The following FN1 variants were observed in gnomAD, a reference collection of about 807,000 sequenced individuals.
FN1 encodes fibronectin.
A neutral mutation model predicts 297.3 loss-of-function variants in FN1; 106 were observed. The ratio of observed to expected loss-of-function variants is 0.36; its 90% confidence interval spans 0.30 to 0.42. The LOEUF (loss-of-function observed/expected upper bound fraction) is 0.42. FN1 is among the 10% of genes least tolerant of loss of function. The pLI is 1.00. For missense variants in FN1, 2,690 were observed against 3,124.9 expected, an observed-to-expected ratio of 0.86 and a Z score of 3.32; for synonymous variants, 1,149 against 1,152.6, an observed-to-expected ratio of 1.00 and a Z score of 0.06.
intron 23 of FN1, among the ~76,000 whole-genome samples, chr2:215,396,306 C>T (rs950442754): frequency 6.6e-6 from 1 of 152,076 alleles, no homozygotes; most frequent in African/African-American, 2.4e-5. Flanking sequence ...GTTGAGACTT[C>T]CATGTGGTTT....
chr2:215,390,425 T>C (rs989175149), intron 26 of FN1, among the ~76,000 whole-genome samples: 1 of 152,194 alleles, frequency 6.6e-6, no homozygotes, highest in Non-Finnish European at 1.5e-5. Flanking sequence ...GCTCAAGCAA[T>C]TGGCCCACCT....
Position 215,383,402 on chromosome 2 carries a change from G to A in FN1, c.4976C>T (p.Pro1659Leu), listed in dbSNP as rs1444537198. 6.2e-7 allele frequency: 1 copy of A among 1,613,898 alleles called. No homozygotes were observed. Among genetic ancestry groups the A allele is most frequent in the African/African-American group, 1.3e-5 (1 of 74,906 alleles). Residue 1659 changes from proline (P) to leucine (L), a missense_variant, in exon 31 of 46, where the codon CCT (proline) becomes CTT (leucine). This residue lies in a region of FN1 where 1,743 missense variants were observed against 1,945.2 expected (regional missense o/e 0.90). Transcript: ENST00000354785. ...GGTGGTTACTCTGTAACCAGTAACAGGGGAACTTGAAGGCAGCCACTTGAC... is the reference window on the plus strand; with the variant it reads ...GGTGGTTACTCTGTAACCAGTAACAAGGGAACTTGAAGGCAGCCACTTGAC... ...ISVKWLPSSS[P>L]VTGYRVTTTP...
At chr2:215,419,027 A>C (rs765029222) in intron 12 of FN1, among the ~76,000 whole-genome samples, 1 of 152,244 alleles carries the variant, frequency 6.6e-6, no homozygotes, top group Admixed American at 6.5e-5. Context: ...AATTATAAAC[A>C]GGCACATTTT....
intron 21 of FN1, among the ~76,000 whole-genome samples, chr2:215,398,741 A>G (rs1203213295): frequency 3.3e-5 from 5 of 152,240 alleles, no homozygotes; most frequent in Admixed American, 1.3e-4. Flanking sequence ...CATTACTTTA[A>G]AGAAGATGAA....
chr2:215,425,021 T>A (rs1346855299), intron 7 of FN1, 73 bp downstream of exon 7: 1 of 1,343,050 alleles, frequency 7.4e-7, no homozygotes, highest in South Asian at 1.2e-5. Context: ...TTGTTTCACA[T>A]TGAAAATGTA....
At chr2:215,416,381 A>G (rs1420569130) in intron 12 of FN1, among the ~76,000 whole-genome samples, 3 of 152,182 alleles carry the variant, frequency 2.0e-5, no homozygotes, top group Non-Finnish European at 2.9e-5. Context: ...ATCAATTGGC[A>G]TAAGTCAATT....
intron 26 of FN1, among the ~76,000 whole-genome samples, chr2:215,391,214 C>T (rs1029586156): frequency 2.0e-5 from 3 of 152,096 alleles, no homozygotes; most frequent in African/African-American, 7.2e-5. Context: ...GTATTCAAAT[C>T]CTAAATCAAT....
chr2:215,400,379 T>C (rs2462591), intron 20 of FN1, among the ~76,000 whole-genome samples: 88,355 of 151,848 alleles, frequency 0.58, 26,138 homozygotes, highest in East Asian at 0.93. Context: ...TTTAGTATTT[T>C]ATCACCAGAA....
chr2:215,401,108 AAT>A (rs1177791562), intron 20 of FN1, among the ~76,000 whole-genome samples: 3 of 140,600 alleles, frequency 2.1e-5, no homozygotes, highest in Non-Finnish European at 4.7e-5. Context: ...AAAAAAAAAA[AAT>A]CTTATTTTTA....
chr2:215,389,982 G>T (rs1157922278), intron 26 of FN1, among the ~76,000 whole-genome samples: 1 of 152,102 alleles, frequency 6.6e-6, no homozygotes, highest in Non-Finnish European at 1.5e-5. Context: ...AGAGAGTGAG[G>T]TTTCTAAATT....
intron 13 of FN1, among the ~76,000 whole-genome samples, chr2:215,413,369 T>G (rs1406307448): frequency 1.3e-5 from 2 of 152,230 alleles, no homozygotes; most frequent in African/African-American, 4.8e-5. Flanking sequence ...TCTGCCCGGC[T>G]TGGCCTCCCA....
At position 215,372,187 on chromosome 2, in the gene FN1, G is replaced by A. The variant is rs1359863237; in HGVS notation, c.6436C>T (p.His2146Tyr). The change falls in exon 40 of 46, where the codon CAT becomes TAT. Residue 2146 changes from histidine (H) to tyrosine (Y), a missense_variant. Physicochemically the swap from His to Tyr is moderately conservative, Grantham distance 83. Around this residue, in one of 3 missense-constraint regions of FN1, gnomAD observed 1,743 missense variants for 1,945.2 expected, o/e 0.90. Coordinates refer to ENST00000354785, the MANE Select transcript of FN1 (RefSeq NM_212482.4). The stretch of plus-strand genomic sequence containing the variant: ...GGCGGTGTGGTCCGCCTAAAACCAT[G>A]TTCCTCAAAGATCATTTGTTGCCCA... The part of the protein sequence containing the change: ...SVGQQMIFEE[H>Y]GFRRTTPPTT... 6.2e-7 allele frequency: 1 copy of A among 1,614,236 alleles called. No individual in the cohort carries two copies. The highest frequency in any genetic ancestry group is 1.1e-5 in the South Asian group (1 of 91,088).
rs758716682 is a variant in FN1, at chr2:215,420,702, C to A, written c.1646G>T (p.Gly549Val). 1 of 1,614,186 alleles carries A rather than the reference C, an allele frequency of 6.2e-7. No individual in the cohort carries two copies. Among genetic ancestry groups the A allele is most frequent in the Non-Finnish European group, 8.5e-7 (1 of 1,180,022 alleles). Residue 549 changes from glycine to valine, a missense_variant, in exon 11 of 46, where the codon GGT becomes GTT. Gly to Val is a moderately radical substitution (Grantham distance 109). Transcript: ENST00000354785. ...HMLNCTCFGQ[G>V]RGRWKCDPVD... ...GGGATCACACTTCCACCTGCCCCGACCCTGACCGAAGCATGTACAGTTCAG... is the reference window on the plus strand; with the variant it reads ...GGGATCACACTTCCACCTGCCCCGAACCTGACCGAAGCATGTACAGTTCAG...
Position 215,420,732 on chromosome 2 carries a change from T to G in FN1, c.1616A>C (p.His539Pro). Residue 539 changes from histidine to proline, a missense_variant, in exon 11 of 46, where the codon CAC becomes CCC. His to Pro is a moderately conservative substitution (Grantham distance 77). Coordinates refer to ENST00000354785, the MANE Select transcript of FN1 (RefSeq NM_212482.4). ...ACCGAAGCATGTACAGTTCAGCATG[T>G]GCCCCTCTTCATGACGCTTGTGGAA... ...DTFHKRHEEGHMLNCTCFGQG... is the reference protein window; with the variant it reads ...DTFHKRHEEGPMLNCTCFGQG... 6.2e-7 allele frequency: 1 copy of G among 1,614,158 alleles called. No individual in the cohort carries two copies. Among genetic ancestry groups the G allele is most frequent in the Non-Finnish European group, 8.5e-7 (1 of 1,179,992 alleles).
chr2:215,395,043 GCTTT>G (rs780920203), intron 23 of FN1, among the ~76,000 whole-genome samples: 4 of 152,086 alleles, frequency 2.6e-5, no homozygotes, highest in African/African-American at 7.2e-5. Flanking sequence ...ATTCCCCAAA[GCTTT>G]CTTTGTTTCC....
chr2:215,386,930 A>G lies in FN1; in HGVS notation c.4371T>C (p.Phe1457=), dbSNP rs1216406786. 6.2e-7 allele frequency: 1 copy of G among 1,613,002 alleles called. No individual in the cohort carries two copies. Among genetic ancestry groups the G allele is most frequent in the Admixed American group, 1.7e-5 (1 of 59,882 alleles). ...TGLDSPTGID[F]SDITANSFTV... is the part of the protein sequence containing the mutation. ...TAAAAGAGTTGGCAGTAATATCAGAAAAGTCAATGCCAGTTGGGGAATCAA... is the reference window on the plus strand; with the variant it reads ...TAAAAGAGTTGGCAGTAATATCAGAGAAGTCAATGCCAGTTGGGGAATCAA... Residue 1457 remains phenylalanine (F), a synonymous_variant, in exon 28 of 46, where the codon TTT becomes TTC. Coordinates refer to ENST00000354785, the MANE Select transcript of FN1 (RefSeq NM_212482.4).
intron 40 of FN1, 116 bp downstream of exon 40, chr2:215,371,793 G>C: frequency 1.1e-6 from 1 of 877,270 alleles, no homozygotes; most frequent in South Asian, 1.4e-5. Flanking sequence ...GATTACAGGC[G>C]TGAGCCATCA....
Position 215,417,681 on chromosome 2 carries a change from C to A in FN1, c.1819+1561G>T, listed in dbSNP as rs545536008. Among the ~76,000 whole-genome samples, 127 of 152,308 alleles carry A rather than the reference C, an allele frequency of 8.3e-4. 1 individual carries two copies. The highest frequency in any genetic ancestry group is 2.8e-3 in the African/African-American group (118 of 41,572). On this transcript the variant is annotated intron_variant, in intron 12 of 45. Transcript: ENST00000354785. Reference sequence around the variant, plus strand: ...AAGCACCAAAGAGCATATCTGAGGTCAAATTCCAATCTCTTCCCTCCGAAA... The same window carrying A: ...AAGCACCAAAGAGCATATCTGAGGTAAAATTCCAATCTCTTCCCTCCGAAA...
chr2:215,399,426 T>C (rs2060721721), intron 20 of FN1, 75 bp from the exon 21 acceptor site: 1 of 1,007,556 alleles, frequency 9.9e-7, no homozygotes, highest in Non-Finnish European at 1.6e-6. Flanking sequence ...ATAACAAGTA[T>C]TTTTATGGAG....
Sources: gnomAD v4.1 joint callset for allele counts (sites outside exome capture counted in the v4.1 genomes callset) on GRCh38, gnomAD v4.1.1 for gene constraint, gnomAD v4.1.1 regional missense constraint, MANE v1.5 for transcripts, NCBI Gene and HGNC (gene_info 2026-07-23, HGNC 2026-07-21) for gene names.